RFX4: variants seen among roughly 807,000 people sequenced by gnomAD.
The protein encoded by RFX4 is transcription factor RFX4.
RFX4 carries 10 observed loss-of-function variants against 95.0 expected under a neutral mutation model. That is an observed-to-expected ratio of 0.11 (90% CI 0.06 to 0.18). The LOEUF (loss-of-function observed/expected upper bound fraction) is 0.18, where lower values mean the gene tolerates loss of function less well. RFX4 is among the 10% of genes least tolerant of loss of function. The pLI is 1.00. For missense variants in RFX4, 640 were observed against 922.0 expected, an observed-to-expected ratio of 0.69 and a Z score of 3.96; for synonymous variants, 321 against 340.7, an observed-to-expected ratio of 0.94 and a Z score of 0.64.
At chr12:106,745,813 C>T (rs1001410961) in intron 15 of RFX4, among the ~76,000 whole-genome samples, 2 of 152,158 alleles carry the variant, frequency 1.3e-5, no homozygotes, top group Admixed American at 6.5e-5. Flanking sequence ...ATCCCATTAC[C>T]TCTGCCTTCT....
chr12:106,660,020 T>C (rs12307650), intron 4 of RFX4, among the ~76,000 whole-genome samples: 131 of 152,224 alleles, frequency 8.6e-4, no homozygotes, highest in African/African-American at 3.1e-3. Flanking sequence ...GAGAAATGCT[T>C]TCCCAAATCT....
intron 4 of RFX4, among the ~76,000 whole-genome samples, chr12:106,663,404 C>T (rs2041113592): frequency 6.6e-6 from 1 of 151,926 alleles, no homozygotes; most frequent in Admixed American, 6.6e-5. Flanking sequence ...TGTATATTAG[C>T]CTTGTATCTT....
chr12:106,594,171 T>G (rs2039582922), intron 1 of RFX4, among the ~76,000 whole-genome samples: 1 of 152,220 alleles, frequency 6.6e-6, no homozygotes, highest in Non-Finnish European at 1.5e-5. Context: ...CCAACAAGCA[T>G]TATTGGACAT....
At chr12:106,641,182 T>TG (rs894190175) in intron 3 of RFX4, among the ~76,000 whole-genome samples, 1 of 152,218 alleles carries the variant, frequency 6.6e-6, no homozygotes, top group African/African-American at 2.4e-5. Flanking sequence ...TCTATTTTTC[T>TG]GGGATTCCAG....
intron 17 of RFX4, among the ~76,000 whole-genome samples, chr12:106,751,762 T>C (rs1262738766): frequency 6.6e-6 from 1 of 152,222 alleles, no homozygotes; most frequent in Non-Finnish European, 1.5e-5. Context: ...TTCATGTCCT[T>C]AGCCCACTTT....
At chr12:106,737,185 T>G (rs1401514298) in intron 15 of RFX4, among the ~76,000 whole-genome samples, 6 of 115,862 alleles carry the variant, frequency 5.2e-5, no homozygotes, top group African/African-American at 1.7e-4. Flanking sequence ...TTTTTTTTTT[T>G]TTTTTTTTTT....
chr12:106,732,078 G>A, intron 13 of RFX4, 52 bp from the exon 14 acceptor site: 1 of 1,599,882 alleles, frequency 6.3e-7, no homozygotes. Flanking sequence ...GACAGAGGGG[G>A]CATACACGAG....
intron 13 of RFX4, among the ~76,000 whole-genome samples, chr12:106,724,664 T>C (rs1368531459): frequency 2.0e-5 from 3 of 152,122 alleles, no homozygotes; most frequent in Non-Finnish European, 4.4e-5. Context: ...TAATCAGTTA[T>C]ACAAAGACAG....
chr12:106,696,558 C>A, intron 8 of RFX4, 112 bp downstream of exon 8: 5 of 1,050,036 alleles, frequency 4.8e-6, no homozygotes, highest in South Asian at 4.7e-5. Flanking sequence ...CTTGTAAAGA[C>A]CATTAATATT....
At chr12:106,607,141 G>T (rs1267024850) in intron 1 of RFX4, among the ~76,000 whole-genome samples, 2 of 152,138 alleles carry the variant, frequency 1.3e-5, no homozygotes, top group African/African-American at 2.4e-5. Context: ...CTGTCCAAAA[G>T]CCTGCAGCCA....
chr12:106,649,293 G>C (rs1333303933), intron 3 of RFX4, among the ~76,000 whole-genome samples: 2 of 152,202 alleles, frequency 1.3e-5, no homozygotes, highest in Non-Finnish European at 2.9e-5. Flanking sequence ...CAGAACCTCT[G>C]GTTTTGGGCA....
chr12:106,694,593 A>C (rs913457514), intron 7 of RFX4, among the ~76,000 whole-genome samples: 4 of 152,210 alleles, frequency 2.6e-5, no homozygotes, highest in African/African-American at 9.7e-5. Context: ...AGGCAGACAT[A>C]GGCTCTATCT....
chr12:106,722,340 A>G (rs1327788081), intron 13 of RFX4, among the ~76,000 whole-genome samples: 1 of 152,182 alleles, frequency 6.6e-6, no homozygotes, highest in Non-Finnish European at 1.5e-5. Context: ...TTACTCTTCA[A>G]TTTGCTTATT....
At chr12:106,669,839 G>GGGGTGT (rs1299312419) in intron 4 of RFX4, among the ~76,000 whole-genome samples, 1 of 143,158 alleles carries the variant, frequency 7.0e-6, no homozygotes, top group African/African-American at 2.6e-5. Flanking sequence ...TTTTTCTAGG[G>GGGGTGT]GTGTGTGTGT....
At chr12:106,697,018 G>T (rs2041893231) in intron 8 of RFX4, among the ~76,000 whole-genome samples, 1 of 152,144 alleles carries the variant, frequency 6.6e-6, no homozygotes, top group South Asian at 2.1e-4. Flanking sequence ...GGGAGGGATG[G>T]AGGGAGGAGA....
chr12:106,706,857 C>T (rs1305360333), intron 8 of RFX4, among the ~76,000 whole-genome samples: 1 of 152,168 alleles, frequency 6.6e-6, no homozygotes, highest in Non-Finnish European at 1.5e-5. Context: ...TGAATGCAGA[C>T]TGGGCTGTAG....
chr12:106,613,834 T>C (rs1270385684), intron 2 of RFX4, among the ~76,000 whole-genome samples: 5 of 152,218 alleles, frequency 3.3e-5, no homozygotes, highest in South Asian at 4.1e-4. Context: ...CATTCTTGTA[T>C]ATCTTTTGGT....
At position 106,595,125 on chromosome 12, in the gene RFX4, G is replaced by T. The variant is rs1383277618; in HGVS notation, c.43+11762G>T. On this transcript the variant is annotated intron_variant, in intron 1 of 17. Coordinates refer to ENST00000392842, the MANE Select transcript of RFX4 (RefSeq NM_213594.3). ...TGTTACTTTATTTAACTCACATATT[G>T]ACTCTATGGTATTATTACTCCCAGT... Among the ~76,000 whole-genome samples the T allele has an allele frequency of 2.6e-5, 4 of 152,098 alleles. No individual in the cohort carries two copies. In the East Asian group the frequency reaches 7.7e-4, roughly 29 times the overall value.
chr12:106,705,211 C>T (rs1260215971), intron 8 of RFX4, among the ~76,000 whole-genome samples: 2 of 152,188 alleles, frequency 1.3e-5, no homozygotes, highest in African/African-American at 4.8e-5. Context: ...TGTTCAGTAG[C>T]TTGGCACATT....
Sources: gnomAD v4.1 joint callset for allele counts (sites outside exome capture counted in the v4.1 genomes callset) on GRCh38, gnomAD v4.1.1 for gene constraint, MANE v1.5 for transcripts, NCBI Gene and HGNC (gene_info 2026-07-23, HGNC 2026-07-21) for gene names.